PRKCE: variants seen among roughly 807,000 people sequenced by gnomAD.
The protein encoded by PRKCE is protein kinase C epsilon type.
PRKCE carries 16 observed loss-of-function variants against 85.4 expected under a neutral mutation model. The observed-to-expected ratio is 0.19, with a 90% CI of 0.13 to 0.28. The LOEUF (loss-of-function observed/expected upper bound fraction) is 0.28, where lower values mean the gene tolerates loss of function less well. Ranked by LOEUF, PRKCE falls within the 10% of genes least tolerant of loss-of-function variation. PRKCE has a pLI of 1.00. For missense variants in PRKCE, 573 were observed against 975.2 expected (o/e 0.59, Z 5.49); for synonymous variants, 388 against 371.5 (o/e 1.04, Z -0.51).
chr2:45,685,865 A>C (rs1572939854), intron 1 of PRKCE, among the ~76,000 whole-genome samples: 1 of 152,310 alleles, frequency 6.6e-6, no homozygotes, highest in East Asian at 1.9e-4. Flanking sequence ...AGAACTCACG[A>C]AGATCCTGCT....
intron 1 of PRKCE, among the ~76,000 whole-genome samples, chr2:45,695,460 C>G (rs1166395422): frequency 3.9e-5 from 6 of 152,076 alleles, no homozygotes; most frequent in African/African-American, 1.4e-4. Context: ...TGAAGAAATC[C>G]TAAAATAACA....
intron 2 of PRKCE, among the ~76,000 whole-genome samples, chr2:45,927,920 C>T (rs1047076804): frequency 7.0e-6 from 1 of 142,074 alleles, no homozygotes; most frequent in Non-Finnish European, 1.5e-5. Context: ...CCTTCACTCA[C>T]GGAGGCAGGA....
chr2:45,933,464 C>CGT (rs1699187286), intron 2 of PRKCE, among the ~76,000 whole-genome samples: 1 of 65,346 alleles, frequency 1.5e-5, no homozygotes, highest in African/African-American at 6.2e-5. Context: ...CATATGCCTG[C>CGT]TTTTTTTTTT....
chr2:46,083,277 CTG>C (rs1300607660), intron 10 of PRKCE, among the ~76,000 whole-genome samples: 1 of 152,116 alleles, frequency 6.6e-6, no homozygotes, highest in Non-Finnish European at 1.5e-5. Context: ...GATCAGAAAA[CTG>C]AGCACAGAGA....
intron 1 of PRKCE, among the ~76,000 whole-genome samples, chr2:45,807,371 G>A (rs551125491): frequency 5.3e-5 from 8 of 152,368 alleles, no homozygotes; most frequent in African/African-American, 9.6e-5. Flanking sequence ...GGTCTTTGCT[G>A]ATGGCCCAGA....
intron 11 of PRKCE, among the ~76,000 whole-genome samples, chr2:46,103,598 A>T (rs1470326575): frequency 2.0e-5 from 3 of 152,194 alleles, no homozygotes; most frequent in African/African-American, 7.2e-5. Flanking sequence ...AAATCTGTGT[A>T]TAACTTTTGA....
intron 2 of PRKCE, among the ~76,000 whole-genome samples, chr2:45,940,937 G>A (rs1253037976): frequency 1.3e-5 from 2 of 151,428 alleles, no homozygotes; most frequent in Admixed American, 6.6e-5. Context: ...ATGGTGACAG[G>A]TGCCTGTAAT....
At chr2:45,760,889 A>G (rs977444235) in intron 1 of PRKCE, among the ~76,000 whole-genome samples, 2 of 152,188 alleles carry the variant, frequency 1.3e-5, no homozygotes, top group African/African-American at 4.8e-5. Flanking sequence ...GTCTGATTCC[A>G]GAGTCCAGAG....
At chr2:46,166,242 C>T (rs1678329614) in intron 14 of PRKCE, among the ~76,000 whole-genome samples, 1 of 152,216 alleles carries the variant, frequency 6.6e-6, no homozygotes. Context: ...TGAAGCCAGC[C>T]CACCTGCCTA....
intron 2 of PRKCE, among the ~76,000 whole-genome samples, chr2:45,930,276 A>G (rs1431626633): frequency 6.6e-6 from 1 of 152,260 alleles, no homozygotes; most frequent in Admixed American, 6.5e-5. Context: ...GGATTAGAGT[A>G]TCACAGGTTG....
intron 1 of PRKCE, among the ~76,000 whole-genome samples, chr2:45,734,963 C>T (rs774784967): frequency 2.0e-5 from 3 of 152,248 alleles, no homozygotes; most frequent in East Asian, 1.9e-4. Context: ...ACAGCTGCGT[C>T]GCAGCCCACC....
chr2:46,003,708 G>A (rs1704910949), intron 7 of PRKCE, among the ~76,000 whole-genome samples: 1 of 152,230 alleles, frequency 6.6e-6, no homozygotes, highest in South Asian at 2.1e-4. Flanking sequence ...GCTTGGATAG[G>A]TGGAGGGGGA....
intron 10 of PRKCE, among the ~76,000 whole-genome samples, chr2:46,025,954 G>A (rs1471436502): frequency 6.6e-6 from 1 of 152,168 alleles, no homozygotes; most frequent in African/African-American, 2.4e-5. Context: ...GGTAAACACT[G>A]GAAGTCAGTA....
intron 2 of PRKCE, among the ~76,000 whole-genome samples, chr2:45,911,622 C>A (rs1338564610): frequency 2.6e-5 from 4 of 152,130 alleles, no homozygotes; most frequent in Non-Finnish European, 4.4e-5. Flanking sequence ...CTCTGTCAGT[C>A]CATTTTCTAT....
At chr2:45,754,836 A>G (rs926093598) in intron 1 of PRKCE, among the ~76,000 whole-genome samples, 11 of 152,244 alleles carry the variant, frequency 7.2e-5, no homozygotes, top group African/African-American at 2.4e-4. Context: ...CATATGGACC[A>G]CAATGCGGTG....
chr2:46,110,894 ATTTTCAC>A (rs1672195919), intron 11 of PRKCE, among the ~76,000 whole-genome samples: 1 of 151,758 alleles, frequency 6.6e-6, no homozygotes. Flanking sequence ...TTGTATTTTC[ATTTTCAC>A]TAAGTTTAAA....
At chr2:45,978,109 A>G (rs897404492) in intron 3 of PRKCE, 4 of 152,292 alleles carry the variant, frequency 2.6e-5, no homozygotes, top group African/African-American at 4.8e-5. Flanking sequence ...TGAGGCAGAA[A>G]TAATGCCCCA....
intron 11 of PRKCE, among the ~76,000 whole-genome samples, chr2:46,090,619 G>A (rs941991913): frequency 2.0e-5 from 3 of 152,140 alleles, no homozygotes; most frequent in African/African-American, 7.2e-5. Context: ...TTTGTTTGAA[G>A]CATTTCTAGT....
chr2:45,822,612 G>C (rs1349596966), intron 1 of PRKCE, among the ~76,000 whole-genome samples: 1 of 152,168 alleles, frequency 6.6e-6, no homozygotes, highest in African/African-American at 2.4e-5. Context: ...TTGTGCCATG[G>C]GATTTGCACT....
Sources: gnomAD v4.1 joint callset for allele counts (sites outside exome capture counted in the v4.1 genomes callset) on GRCh38, gnomAD v4.1.1 for gene constraint, MANE v1.5 for transcripts, NCBI Gene and HGNC (gene_info 2026-07-23, HGNC 2026-07-21) for gene names.